Variants in RNF19B observed in about 807,000 individuals in gnomAD.
The protein encoded by RNF19B is ring finger protein 19B, also known as E3 ubiquitin-protein ligase RNF19B.
Under a neutral mutation model 65.5 loss-of-function variants are expected in RNF19B, and 23 were observed. The observed-to-expected ratio is 0.35, with a 90% CI of 0.25 to 0.50. RNF19B has a LOEUF of 0.50. Ranked by LOEUF, RNF19B falls within the 20% of genes least tolerant of loss-of-function variation. The pLI, the probability that RNF19B is intolerant of heterozygous loss-of-function variation, is 0.98. For missense variants in RNF19B, 794 were observed against 980.0 expected, an observed-to-expected ratio of 0.81 and a Z score of 2.53; for synonymous variants, 372 against 379.6, an observed-to-expected ratio of 0.98 and a Z score of 0.23.
At chr1:32,938,910 T>G (rs1642170305) in intron 7 of RNF19B, among the ~76,000 whole-genome samples, 1 of 152,204 alleles carries the variant, frequency 6.6e-6, no homozygotes, top group South Asian at 2.1e-4. Flanking sequence ...CAACAGGCAT[T>G]AAGGTCTTCC....
downstream of RNF19B, among the ~76,000 whole-genome samples, chr1:32,934,810 G>A (rs1366498549): frequency 6.6e-6 from 1 of 152,076 alleles, no homozygotes; most frequent in African/African-American, 2.4e-5. Context: ...TTGCTATACT[G>A]TATATAAGCT....
chr1:32,938,819 TCAAA>T (rs1433790567), intron 7 of RNF19B, among the ~76,000 whole-genome samples: 2 of 152,078 alleles, frequency 1.3e-5, no homozygotes, highest in African/African-American at 4.8e-5. Flanking sequence ...TAAGTCCAAG[TCAAA>T]CAACCTCTAG....
chr1:32,939,833 G>A (rs1239031862), intron 7 of RNF19B, among the ~76,000 whole-genome samples: 1 of 152,198 alleles, frequency 6.6e-6, no homozygotes, highest in Non-Finnish European at 1.5e-5. Flanking sequence ...CAGCTGGACT[G>A]GCTAAGCTGC....
intron 7 of RNF19B, 39 bp from the exon 8 acceptor site, chr1:32,938,567 G>A (rs781270912): frequency 1.9e-6 from 3 of 1,602,420 alleles, no homozygotes; most frequent in Non-Finnish European, 1.7e-6. Flanking sequence ...TATGAGACCT[G>A]GGTATTCCAA....
intron 6 of RNF19B, among the ~76,000 whole-genome samples, chr1:32,943,124 G>A (rs1188625022): frequency 1.3e-5 from 2 of 148,278 alleles, no homozygotes; most frequent in South Asian, 2.1e-4. Context: ...CTGGGCAACA[G>A]AGCAAGACTC....
At chr1:32,943,607 G>A (rs1163059368) in intron 6 of RNF19B, among the ~76,000 whole-genome samples, 1 of 150,406 alleles carries the variant, frequency 6.6e-6, no homozygotes, top group African/African-American at 2.4e-5. Flanking sequence ...CAGAGACTCC[G>A]TCTCAAAAAA....
intron 4 of RNF19B, 152 bp downstream of exon 4, chr1:32,946,250 T>G: frequency 1.6e-6 from 1 of 640,284 alleles, no homozygotes; most frequent in Non-Finnish European, 2.6e-6. Flanking sequence ...TGGGGGTTTA[T>G]GAAAATCCAT....
At chr1:32,938,250 C>T (rs1642153985) in intron 8 of RNF19B, 147 bp downstream of exon 8, 2 of 753,750 alleles carry the variant, frequency 2.7e-6, no homozygotes, top group Admixed American at 2.5e-5. Context: ...ACTCAAGTAC[C>T]AAGAACTTGC....
At chr1:32,955,607 A>C (rs1303865511) in intron 1 of RNF19B, among the ~76,000 whole-genome samples, 1 of 151,598 alleles carries the variant, frequency 6.6e-6, no homozygotes, top group African/African-American at 2.4e-5. Context: ...GTGGTGGTGC[A>C]TGCCTGTAGT....
At chr1:32,938,657 C>A in intron 7 of RNF19B, 129 bp from the exon 8 acceptor site, 1 of 890,778 alleles carries the variant, frequency 1.1e-6, no homozygotes, top group Non-Finnish European at 1.8e-6. Flanking sequence ...CTCCAACTGT[C>A]AAACAGCGCA....
At chr1:32,958,442 C>A (rs1207337588) in intron 1 of RNF19B, among the ~76,000 whole-genome samples, 1 of 151,976 alleles carries the variant, frequency 6.6e-6, no homozygotes, top group Non-Finnish European at 1.5e-5. Context: ...GATGGCCGGG[C>A]GTGGTGGCTC....
chr1:32,946,307 G>T, intron 4 of RNF19B, 95 bp downstream of exon 4: 1 of 1,027,156 alleles, frequency 9.7e-7, no homozygotes, highest in Non-Finnish European at 1.4e-6. Context: ...TGGTTTTCAG[G>T]CAGCTCTGAA....
At chr1:32,960,066 A>G (rs1274469752) in intron 1 of RNF19B, among the ~76,000 whole-genome samples, 1 of 152,018 alleles carries the variant, frequency 6.6e-6, no homozygotes, top group African/African-American at 2.4e-5. Context: ...AAAAAAAATT[A>G]TAATGTGAAT....
chr1:32,930,237 G>A, the RNF19B span, among the ~76,000 whole-genome samples: 2 of 152,042 alleles, frequency 1.3e-5, no homozygotes, highest in Non-Finnish European at 2.9e-5. Flanking sequence ...AGCCTTCTGA[G>A]TAGCTGGGAC....
intron 1 of RNF19B, among the ~76,000 whole-genome samples, chr1:32,951,514 G>A (rs1010017519): frequency 2.6e-5 from 4 of 152,240 alleles, no homozygotes; most frequent in African/African-American, 9.6e-5. Context: ...TCCCACCGGT[G>A]AGGCCAACAA....
chr1:32,943,098 G>A (rs1204216656), intron 6 of RNF19B, among the ~76,000 whole-genome samples: 1 of 150,488 alleles, frequency 6.6e-6, no homozygotes, highest in Non-Finnish European at 1.5e-5. Context: ...CCAGGACCAT[G>A]CCACTGCACT....
intron 1 of RNF19B, among the ~76,000 whole-genome samples, chr1:32,961,682 TCTAA>T (rs923265626): frequency 3.3e-5 from 5 of 152,038 alleles, no homozygotes; most frequent in African/African-American, 9.7e-5. Context: ...TTATCATTCT[TCTAA>T]CTAATTAAAA....
At chr1:32,957,607 G>C (rs918216066) in intron 1 of RNF19B, among the ~76,000 whole-genome samples, 1 of 152,138 alleles carries the variant, frequency 6.6e-6, no homozygotes, top group African/African-American at 2.4e-5. Flanking sequence ...GGTGAGGCGG[G>C]TGGCTCGCTT....
At chr1:32,938,277 G>A in intron 8 of RNF19B, 120 bp downstream of exon 8, 3 of 1,063,794 alleles carry the variant, frequency 2.8e-6, no homozygotes, top group Non-Finnish European at 4.3e-6. Context: ...GAATTCACAG[G>A]TTACACTATA....
Sources: gnomAD v4.1 joint callset for allele counts (sites outside exome capture counted in the v4.1 genomes callset) on GRCh38, gnomAD v4.1.1 for gene constraint, MANE v1.5 for transcripts, NCBI Gene and HGNC (gene_info 2026-07-23, HGNC 2026-07-21) for gene names.